Variants in PCDH17 observed in about 807,000 individuals in gnomAD.
PCDH17 encodes protocadherin-17.
Under a neutral mutation model 67.7 loss-of-function variants are expected in PCDH17, and 21 were observed. That is an observed-to-expected ratio of 0.31 (90% CI 0.22 to 0.45). PCDH17 has a LOEUF of 0.45. Ranked by LOEUF, PCDH17 falls within the 20% of genes least tolerant of loss-of-function variation. The pLI is 1.00. For synonymous variants in PCDH17, 701 were observed against 656.7 expected (o/e 1.07, Z -1.03); for missense variants, 1,471 against 1,564.8 (o/e 0.94, Z 1.01).
intron 1 of PCDH17, among the ~76,000 whole-genome samples, chr13:57,652,774 G>A (rs1401489267): frequency 1.3e-5 from 2 of 152,102 alleles, no homozygotes; most frequent in Non-Finnish European, 2.9e-5. Flanking sequence ...ATGTCATCTG[G>A]TTCAAAGTTT....
intron 1 of PCDH17, among the ~76,000 whole-genome samples, chr13:57,642,343 C>A (rs1954916260): frequency 6.6e-6 from 1 of 151,570 alleles, no homozygotes; most frequent in Non-Finnish European, 1.5e-5. Flanking sequence ...AATTTCAAAG[C>A]TATACATTCA....
chr13:57,724,235 A>C (rs1424754757), intron 3 of PCDH17, among the ~76,000 whole-genome samples: 2 of 152,210 alleles, frequency 1.3e-5, no homozygotes, highest in Admixed American at 1.3e-4. Context: ...GATTTGAAAA[A>C]AATAATCCTG....
chr13:57,702,032 T>G (rs951060125), intron 3 of PCDH17, among the ~76,000 whole-genome samples: 1 of 151,894 alleles, frequency 6.6e-6, no homozygotes, highest in Admixed American at 6.6e-5. Flanking sequence ...ATTCTTCTGC[T>G]TCAGTCTCCC....
At chr13:57,688,024 A>G (rs1955523941) in intron 3 of PCDH17, among the ~76,000 whole-genome samples, 1 of 152,096 alleles carries the variant, frequency 6.6e-6, no homozygotes, top group African/African-American at 2.4e-5. Context: ...TGAACTACTA[A>G]CATCTTTGGA....
At chr13:57,705,598 T>C (rs1049308627) in intron 3 of PCDH17, among the ~76,000 whole-genome samples, 3 of 152,144 alleles carry the variant, frequency 2.0e-5, no homozygotes, top group Non-Finnish European at 4.4e-5. Flanking sequence ...AATAACTCAC[T>C]AGTATATATG....
intron 3 of PCDH17, among the ~76,000 whole-genome samples, chr13:57,682,723 G>A (rs1955465179): frequency 6.6e-6 from 1 of 151,678 alleles, no homozygotes; most frequent in African/African-American, 2.4e-5. Context: ...CCAATGACTA[G>A]TTTAAAAGAA....
chr13:57,650,814 T>C (rs1316403440), intron 1 of PCDH17, among the ~76,000 whole-genome samples: 2 of 152,282 alleles, frequency 1.3e-5, no homozygotes, highest in Middle Eastern at 3.4e-3. Context: ...GAGAAAACCA[T>C]TGTTAATTTT....
chr13:57,631,896 C>G lies in PCDH17; in HGVS notation c.-651C>G, dbSNP rs1593884209. ...CAGCAAAACACTGCCTGAAAACAGACCGGCCCGCGCAGCAAGCAGACATTT... is the reference window on the plus strand; with the variant it reads ...CAGCAAAACACTGCCTGAAAACAGAGCGGCCCGCGCAGCAAGCAGACATTT... On this transcript the variant is annotated 5_prime_UTR_variant, in exon 1 of 4. Transcript: ENST00000377918. 6.6e-6 allele frequency: 1 copy of G among 152,586 alleles called. No homozygotes were observed. The highest frequency in any genetic ancestry group is 2.1e-4 in the South Asian group (1 of 4,824). 9.5% of individuals were successfully genotyped at this position (152,586 alleles called of 1,614,324 possible).
In PCDH17 at chr13:57,687,647, A is replaced by G. The variant is rs189773730; in HGVS notation, c.2797+20814A>G. Among the ~76,000 whole-genome samples the G allele has an allele frequency of 7.8e-4, 118 of 152,146 alleles. 1 individual carries two copies. Among genetic ancestry groups the G allele is most frequent in the Non-Finnish European group, 1.4e-3 (93 of 67,962 alleles). ...ATTTGCATTCATTATTGACCTGTAC[A>G]GTGCCTTTCATTTGGATTCAGCAAT... On this transcript the variant is annotated intron_variant, in intron 3 of 3. Transcript: ENST00000377918.
At chr13:57,654,365 T>C (rs1157609730) in intron 1 of PCDH17, among the ~76,000 whole-genome samples, 1 of 151,802 alleles carries the variant, frequency 6.6e-6, no homozygotes, top group Admixed American at 6.6e-5. Context: ...GAGACAACCA[T>C]TGTTGTAAAG....
At chr13:57,673,650 A>T (rs1263475364) in intron 3 of PCDH17, among the ~76,000 whole-genome samples, 1 of 151,980 alleles carries the variant, frequency 6.6e-6, no homozygotes, top group Non-Finnish European at 1.5e-5. Flanking sequence ...ACTGTCATAT[A>T]TGGGGGACAG....
intron 3 of PCDH17, among the ~76,000 whole-genome samples, chr13:57,690,592 C>T (rs1341654829): frequency 6.6e-6 from 1 of 151,280 alleles, no homozygotes; most frequent in African/African-American, 2.4e-5. Flanking sequence ...AATTATGCAC[C>T]TGAAACTAAA....
intron 3 of PCDH17, among the ~76,000 whole-genome samples, chr13:57,701,944 G>A (rs1955667109): frequency 6.6e-6 from 1 of 151,798 alleles, no homozygotes; most frequent in African/African-American, 2.4e-5. Context: ...TTTGGATGGA[G>A]TCTTGCTCTG....
At position 57,633,967 on chromosome 13, in the gene PCDH17, A is replaced by G. The variant is rs1173454159; in HGVS notation, c.1421A>G (p.Lys474Arg). Residue 474 changes from lysine to arginine, a missense_variant, in exon 1 of 4, where the codon AAA becomes AGA. Lys to Arg is a conservative substitution (Grantham distance 26, BLOSUM62 2). Coordinates refer to ENST00000377918, the MANE Select transcript of PCDH17 (RefSeq NM_001040429.3). The surrounding 1 kb of genome is among the most constrained non-coding windows in gnomAD (Gnocchi z 6.2). The stretch of plus-strand genomic sequence containing the variant: ...AACGACAACCCGCCTCGGTTCACCA[A>G]AGGGCTCTACGTGCTTCAGGTGCAC... ...DENDNPPRFT[K>R]GLYVLQVHEN... The G allele has an allele frequency of 1.9e-6, 3 of 1,613,624 alleles. No homozygotes were observed. The South Asian group carries it at 3.3e-5, about 18-fold the overall frequency.
At chr13:57,675,330 G>A (rs770158981) in intron 3 of PCDH17, among the ~76,000 whole-genome samples, 2 of 151,872 alleles carry the variant, frequency 1.3e-5, no homozygotes, top group Non-Finnish European at 2.9e-5. Context: ...AGGAATCATG[G>A]AAACAGGAAA....
intron 3 of PCDH17, among the ~76,000 whole-genome samples, chr13:57,713,973 A>G (rs758012252): frequency 3.9e-4 from 59 of 151,652 alleles, no homozygotes; most frequent in Non-Finnish European, 7.2e-4. Context: ...TGCCCACCTA[A>G]TTTAAGTTAA....
chr13:57,667,716 CTGATTAA>C (rs1358464906), intron 3 of PCDH17, among the ~76,000 whole-genome samples: 1 of 151,382 alleles, frequency 6.6e-6, no homozygotes, highest in Non-Finnish European at 1.5e-5. Context: ...AAGTCATTTA[CTGATTAA>C]TGATTTATAG....
In PCDH17 at chr13:57,724,892, C is replaced by T. The variant is rs773733650; in HGVS notation, c.3078C>T (p.Ser1026=). The T allele has an allele frequency of 6.2e-7, 1 of 1,614,186 alleles. No homozygotes were observed. Among genetic ancestry groups the T allele is most frequent in the Non-Finnish European group, 8.5e-7 (1 of 1,180,022 alleles). The part of the protein sequence containing the change: ...KPYLKAKRAL[S]PLLQEVPSAS... Reference sequence around the variant, plus strand: ...ATTTAAAAGCCAAACGTGCCCTGAGCCCTCTCCTCCAAGAGGTCCCCTCAG... The same window carrying T: ...ATTTAAAAGCCAAACGTGCCCTGAGTCCTCTCCTCCAAGAGGTCCCCTCAG... Residue 1026 remains serine, a synonymous_variant, in exon 4 of 4, where the codon AGC becomes AGT. Transcript: ENST00000377918.
intron 1 of PCDH17, among the ~76,000 whole-genome samples, chr13:57,660,273 A>G (rs541429761): frequency 1.9e-4 from 29 of 152,208 alleles, no homozygotes; most frequent in Admixed American, 1.4e-3. Context: ...AATTTGAGCT[A>G]TGGATCTGTT....
Sources: allele counts gnomAD v4.1 joint callset (sites outside exome capture counted in the v4.1 genomes callset), GRCh38; gene constraint gnomAD v4.1.1; non-coding constraint Gnocchi (gnomAD v3.1); transcripts MANE v1.5; gene names NCBI Gene and HGNC (gene_info 2026-07-23, HGNC 2026-07-21).